The following SEMA3A variants were observed in gnomAD, a reference collection of about 807,000 sequenced individuals.
The protein encoded by SEMA3A is semaphorin 3A.
SEMA3A carries 29 observed loss-of-function variants against 97.9 expected under a neutral mutation model. The ratio of observed to expected loss-of-function variants is 0.30; its 90% CI spans 0.22 to 0.40. The LOEUF (loss-of-function observed/expected upper bound fraction) is 0.40. SEMA3A is among the 10% of genes least tolerant of loss of function. SEMA3A has a pLI of 1.00. For synonymous variants in SEMA3A, 321 were observed against 323.7 expected, an observed-to-expected ratio of 0.99 and a Z score of 0.09; for missense variants, 763 against 951.3, an observed-to-expected ratio of 0.80 and a Z score of 2.60.
chr7:84,141,350 T>C (rs1796285903), intron 1 of SEMA3A, among the ~76,000 whole-genome samples: 1 of 152,184 alleles, frequency 6.6e-6, no homozygotes, highest in Non-Finnish European at 1.5e-5. Context: ...CACCTTTTCC[T>C]AGGACATGTT....
At chr7:84,278,084 G>C (rs568877612) in intron 3 of SEMA3A, among the ~76,000 whole-genome samples, 1 of 152,246 alleles carries the variant, frequency 6.6e-6, no homozygotes, top group East Asian at 1.9e-4. Flanking sequence ...GAGCAGCCAA[G>C]TGACATCCTA....
intron 3 of SEMA3A, among the ~76,000 whole-genome samples, chr7:84,290,836 A>G (rs550766468): frequency 2.6e-4 from 39 of 152,240 alleles, no homozygotes; most frequent in African/African-American, 9.1e-4. Context: ...AAGATTTTAC[A>G]TGAGCAGATT....
intron 4 of SEMA3A, among the ~76,000 whole-genome samples, chr7:84,067,353 T>G (rs1793553261): frequency 6.6e-6 from 1 of 152,120 alleles, no homozygotes; most frequent in African/African-American, 2.4e-5. Context: ...ATTCAGGACA[T>G]AAGCATGGGC....
rs375170456 is a variant in SEMA3A, at chr7:84,450,118, A to T, written c.-246+42342T>A. ...TATCCAAAAGTTGGATTGCAGGGTCATAAGGTAGTTTTATATTTAATTTTT... is the reference window on the plus strand; with the variant it reads ...TATCCAAAAGTTGGATTGCAGGGTCTTAAGGTAGTTTTATATTTAATTTTT... On this transcript the variant is annotated intron_variant, in intron 1 of 3. Transcript: ENST00000424555. Among the ~76,000 whole-genome samples, 105 of 152,266 alleles carry T rather than the reference A, an allele frequency of 6.9e-4. 1 individual carries two copies. The highest frequency in any genetic ancestry group is 2.3e-3 in the African/African-American group (97 of 41,540).
rs571969134 is a variant in SEMA3A, at chr7:84,408,154, G to T, written c.-245-36254C>A. ...TTGCAACCTACTCATCTGACAAAGG[G>T]CTAATATCCAGAATCTACAATGAAC... On this transcript the variant is annotated intron_variant, in intron 1 of 3. Coordinates refer to the SEMA3A transcript ENST00000424555. Among the ~76,000 whole-genome samples, 4 of 152,186 alleles carry T rather than the reference G, an allele frequency of 2.6e-5. No individual in the cohort carries two copies. In the South Asian group the frequency reaches 8.3e-4, roughly 32 times the overall value.
intron 4 of SEMA3A, among the ~76,000 whole-genome samples, chr7:84,095,864 T>C (rs895356969): frequency 6.6e-6 from 1 of 151,792 alleles, no homozygotes; most frequent in Non-Finnish European, 1.5e-5. Flanking sequence ...CCTAAAGTAT[T>C]GAAACAATAT....
intron 1 of SEMA3A, among the ~76,000 whole-genome samples, chr7:84,135,881 T>G (rs1796108359): frequency 6.6e-6 from 1 of 152,222 alleles, no homozygotes; most frequent in African/African-American, 2.4e-5. Context: ...ATTTTTCATT[T>G]GTTTTTGCTC....
intron 1 of SEMA3A, among the ~76,000 whole-genome samples, chr7:84,459,259 T>G (rs1470191121): frequency 6.6e-6 from 1 of 152,134 alleles, no homozygotes; most frequent in Non-Finnish European, 1.5e-5. Context: ...AAACACTTTC[T>G]TAAAGTTTGA....
chr7:84,428,109 A>G (rs1056642278), intron 1 of SEMA3A, among the ~76,000 whole-genome samples: 28 of 152,156 alleles, frequency 1.8e-4, no homozygotes, highest in African/African-American at 6.3e-4. Flanking sequence ...TCTCCAGAGC[A>G]TATGCTACCA....
chr7:83,975,870 T>A (rs1789130298), intron 15 of SEMA3A, among the ~76,000 whole-genome samples: 1 of 152,218 alleles, frequency 6.6e-6, no homozygotes, highest in Admixed American at 6.5e-5. Context: ...TATTTTAGGA[T>A]TTGATTGAAA....
chr7:84,446,942 G>A (rs1262164083), intron 1 of SEMA3A, among the ~76,000 whole-genome samples: 2 of 152,084 alleles, frequency 1.3e-5, no homozygotes, highest in African/African-American at 2.4e-5. Context: ...TGCAGCTGCA[G>A]CTGCCCAGCC....
intron 3 of SEMA3A, among the ~76,000 whole-genome samples, chr7:84,262,693 C>T (rs1799888081): frequency 6.6e-6 from 1 of 152,172 alleles, no homozygotes; most frequent in African/African-American, 2.4e-5. Flanking sequence ...GACAAAAAAG[C>T]TTTCTTAGAA....
intron 6 of SEMA3A, among the ~76,000 whole-genome samples, chr7:84,045,554 G>C (rs973820234): frequency 6.6e-6 from 1 of 151,544 alleles, no homozygotes; most frequent in African/African-American, 2.4e-5. Flanking sequence ...TAAAAGGATT[G>C]CTTAGTTAAA....
chr7:84,425,213 A>G (rs1421383654), intron 1 of SEMA3A, among the ~76,000 whole-genome samples: 1 of 118,178 alleles, frequency 8.5e-6, no homozygotes, highest in East Asian at 2.4e-4. Context: ...TTACGTATTT[A>G]TATATACATA....
intron 1 of SEMA3A, among the ~76,000 whole-genome samples, chr7:84,141,209 T>TA (rs1796282234): frequency 6.6e-6 from 1 of 152,102 alleles, no homozygotes; most frequent in African/African-American, 2.4e-5. Context: ...CCGAGTATAT[T>TA]CTCTTATTCT....
At chr7:84,098,390 T>G (rs1454001349) in intron 4 of SEMA3A, among the ~76,000 whole-genome samples, 2 of 151,280 alleles carry the variant, frequency 1.3e-5, no homozygotes, top group African/African-American at 4.9e-5. Context: ...TTACTGCTCT[T>G]CTTCTTGTCC....
intron 14 of SEMA3A, 137 bp from the exon 15 acceptor site, chr7:83,977,333 C>T (rs1008937961): frequency 2.5e-6 from 1 of 401,662 alleles, no homozygotes; most frequent in Non-Finnish European, 4.3e-6. Flanking sequence ...GATGAATCTA[C>T]ATCCAACTAA....
chr7:84,050,326 C>T (rs141828071), intron 5 of SEMA3A, among the ~76,000 whole-genome samples: 8,349 of 152,244 alleles, frequency 0.055, 276 homozygotes, highest in South Asian at 0.073. Context: ...GTCCCACCAA[C>T]GGTGTAAAAG....
rs570587118 is a variant in SEMA3A at position 84,263,579 on chromosome 7, G to A, written c.-83+43628C>T. 7.2e-5 allele frequency among the ~76,000 whole-genome samples: 11 copies of A among 152,234 alleles called. No individual in the cohort carries two copies. In the South Asian group the frequency reaches 1.9e-3, roughly 26 times the overall value. The stretch of plus-strand genomic sequence containing the variant: ...CTCAGTTTATATACATAAATCATTC[G>A]CAACATGTCTGGCACATAGTCAATG... On this transcript the variant is annotated intron_variant, in intron 3 of 3. Transcript: ENST00000424555.
Sources: allele counts gnomAD v4.1 joint callset (sites outside exome capture counted in the v4.1 genomes callset), GRCh38; gene constraint gnomAD v4.1.1; transcripts MANE v1.5; gene names NCBI Gene and HGNC (gene_info 2026-07-23, HGNC 2026-07-21).